INSC: variants seen among roughly 807,000 people sequenced by gnomAD.
INSC encodes protein inscuteable homolog.
INSC carries 67 observed loss-of-function variants against 58.6 expected under a neutral mutation model. That is an observed-to-expected ratio of 1.14 (90% CI 0.94 to 1.40). The LOEUF (loss-of-function observed/expected upper bound fraction) is 1.40. Among genes scored for constraint, INSC ranks in the 40% most tolerant of loss-of-function variants. The pLI, the probability that INSC is intolerant of heterozygous loss-of-function variation, is 0.00. For missense variants in INSC, 714 were observed against 692.0 expected (o/e 1.03, Z -0.36); for synonymous variants, 262 against 276.1 (o/e 0.95, Z 0.51).
intron 9 of INSC, among the ~76,000 whole-genome samples, chr11:15,229,578 T>A (rs903002153): frequency 6.6e-6 from 1 of 152,042 alleles, no homozygotes; most frequent in Non-Finnish European, 1.5e-5. Flanking sequence ...CCCTCCCTCA[T>A]GTCATTATGA....
intron 12 of INSC, among the ~76,000 whole-genome samples, chr11:15,242,336 C>T (rs1369304366): frequency 1.3e-5 from 2 of 152,208 alleles, no homozygotes; most frequent in Non-Finnish European, 2.9e-5. Flanking sequence ...ACTTGAAGGA[C>T]TTTCAAGCCG....
chr11:15,266,542 A>T, the INSC span, among the ~76,000 whole-genome samples: 1 of 152,006 alleles, frequency 6.6e-6, no homozygotes, highest in African/African-American at 2.4e-5. Flanking sequence ...TTTCCTATAT[A>T]CCTTGGCTAC....
chr11:15,212,402 G>C (rs1205191420), intron 7 of INSC, among the ~76,000 whole-genome samples: 2 of 152,188 alleles, frequency 1.3e-5, no homozygotes, highest in Non-Finnish European at 2.9e-5. Flanking sequence ...CAAAGTGCTG[G>C]AATTACAGGC....
the INSC span, among the ~76,000 whole-genome samples, chr11:15,263,926 C>A: frequency 6.6e-6 from 1 of 150,676 alleles, no homozygotes. Flanking sequence ...AGCAATAGAA[C>A]CTCAAATTCT....
chr11:15,222,862 G>A (rs898808935), intron 8 of INSC, among the ~76,000 whole-genome samples: 1 of 152,182 alleles, frequency 6.6e-6, no homozygotes, highest in African/African-American at 2.4e-5. Flanking sequence ...ATTGTTGAAA[G>A]TCTTGGCTCG....
At position 15,246,122 on chromosome 11, in the gene INSC, A is replaced by G; in HGVS notation, c.*82A>G. The G allele has an allele frequency of 1.4e-6, 2 of 1,435,856 alleles. No homozygotes were observed. Among genetic ancestry groups the G allele is most frequent in the South Asian group, 1.3e-5 (1 of 76,128 alleles). The allele number at this position is 1,435,856 out of a possible 1,614,324, so 88.9% of individuals were successfully genotyped here. ...CAGTGAACACATCTGAGTACATACC[A>G]GCTCTCCTCATCTTCTTATTTATAC... is the stretch of plus-strand genomic sequence containing the variant. On this transcript the variant is annotated 3_prime_UTR_variant, in exon 13 of 13. Coordinates refer to ENST00000379556, the MANE Select transcript of INSC (RefSeq NM_001042536.3).
At chr11:15,204,265 G>C (rs993363105) in intron 7 of INSC, among the ~76,000 whole-genome samples, 5 of 152,240 alleles carry the variant, frequency 3.3e-5, no homozygotes, top group Non-Finnish European at 5.9e-5. Flanking sequence ...GAAGCCACTT[G>C]CTCAAGGGCG....
chr11:15,120,171 G>A (rs1047720141), intron 1 of INSC, among the ~76,000 whole-genome samples: 4 of 152,118 alleles, frequency 2.6e-5, no homozygotes, highest in African/African-American at 7.2e-5. Context: ...TAAAGTTAAG[G>A]GTTCTCTTGG....
chr11:15,134,418 GC>G (rs2133711265), intron 1 of INSC, among the ~76,000 whole-genome samples: 1 of 152,210 alleles, frequency 6.6e-6, no homozygotes, highest in South Asian at 2.1e-4. Flanking sequence ...ATGCATATGA[GC>G]AAAAAAGGCA....
chr11:15,165,825 A>T (rs1307349579), intron 2 of INSC, among the ~76,000 whole-genome samples: 2 of 152,112 alleles, frequency 1.3e-5, no homozygotes, highest in East Asian at 3.9e-4. Flanking sequence ...AAAGGGTGTC[A>T]GAATCATTCA....
chr11:15,159,177 G>A (rs1341185528), intron 2 of INSC, among the ~76,000 whole-genome samples: 1 of 152,182 alleles, frequency 6.6e-6, no homozygotes, highest in Non-Finnish European at 1.5e-5. Flanking sequence ...TCCTCCTTAG[G>A]AGCCTGAGGC....
At chr11:15,256,346 A>G in the INSC span, among the ~76,000 whole-genome samples, 1 of 152,186 alleles carries the variant, frequency 6.6e-6, no homozygotes, top group African/African-American at 2.4e-5. Context: ...ACTTACTTAT[A>G]CTTCTAAAGT....
chr11:15,227,528 C>T (rs1296891852), intron 9 of INSC, among the ~76,000 whole-genome samples: 2 of 152,152 alleles, frequency 1.3e-5, no homozygotes, highest in South Asian at 2.1e-4. Flanking sequence ...TCAACTTGGC[C>T]CTCCAAACTA....
intron 6 of INSC, 57 bp from the exon 7 acceptor site, chr11:15,200,767 G>T: frequency 6.2e-7 from 1 of 1,607,772 alleles, no homozygotes; most frequent in South Asian, 1.1e-5. Flanking sequence ...TTATTCTTGA[G>T]TTAGCCCCAG....
chr11:15,262,834 A>G, the INSC span, among the ~76,000 whole-genome samples: 1 of 152,242 alleles, frequency 6.6e-6, no homozygotes, highest in African/African-American at 2.4e-5. Flanking sequence ...CCAAAATACC[A>G]GTGAGAAACA....
At chr11:15,158,956 G>C (rs11023458) in intron 2 of INSC, among the ~76,000 whole-genome samples, 5 of 140,160 alleles carry the variant, frequency 3.6e-5, no homozygotes, top group Non-Finnish European at 7.6e-5. Context: ...TCAGCTCCTA[G>C]AACAGGGCTT....
chr11:15,146,176 A>G (rs16931062), intron 1 of INSC, among the ~76,000 whole-genome samples: 2,093 of 152,372 alleles, frequency 0.014, 42 homozygotes, highest in African/African-American at 0.048. Flanking sequence ...CTTTCTAAAC[A>G]TCAGGTGGGC....
intron 6 of INSC, among the ~76,000 whole-genome samples, chr11:15,196,617 G>C (rs1850380390): frequency 6.6e-6 from 1 of 152,134 alleles, no homozygotes; most frequent in African/African-American, 2.4e-5. Flanking sequence ...CAGGAGATGG[G>C]GGCAAATGGG....
rs558023953 is a variant in INSC at position 15,135,938 on chromosome 11, G to C, written c.-45-13192G>C. 2.5e-3 allele frequency among the ~76,000 whole-genome samples: 373 copies of C among 152,236 alleles called. 1 individual carries two copies. Among genetic ancestry groups the C allele is most frequent in the Non-Finnish European group, 3.8e-3 (258 of 68,006 alleles). The stretch of plus-strand genomic sequence containing the variant: ...GATGCCTTGCATGCTGTGCTCTTTG[G>C]GGGAAGGAAGACTAGATGCTCACAT... On this transcript the variant is annotated intron_variant, in intron 1 of 12. Coordinates refer to ENST00000379556, the MANE Select transcript of INSC (RefSeq NM_001042536.3).
Sources: gnomAD v4.1 joint callset for allele counts (sites outside exome capture counted in the v4.1 genomes callset) on GRCh38, gnomAD v4.1.1 for gene constraint, MANE v1.5 for transcripts, NCBI Gene and HGNC (gene_info 2026-07-23, HGNC 2026-07-21) for gene names.